The following SLC22A16 variants were observed in gnomAD, a reference collection of about 807,000 sequenced individuals.
SLC22A16 encodes WUGSC:RG331P03.1.
In SLC22A16, 53 loss-of-function variants were observed where a neutral mutation model predicts 52.9. The observed-to-expected ratio is 1.00, with a 90% CI of 0.80 to 1.26. SLC22A16 has a LOEUF of 1.26. Among genes scored for constraint, SLC22A16 ranks in the 50% most tolerant of loss-of-function variants. The pLI, the probability that SLC22A16 is intolerant of heterozygous loss-of-function variation, is 0.00. For missense variants in SLC22A16, 726 were observed against 704.0 expected (o/e 1.03, Z -0.35); for synonymous variants, 291 against 268.8 (o/e 1.08, Z -0.81).
chr6:110,476,026 T>A (rs1776457800), intron 1 of SLC22A16: 2 of 455,602 alleles, frequency 4.4e-6, no homozygotes, highest in Non-Finnish European at 8.8e-6. Flanking sequence ...TAGGTTTTAA[T>A]AAACGGCAAC....
chr6:110,463,364 C>A (rs9386902), intron 1 of SLC22A16, among the ~76,000 whole-genome samples: 2 of 151,662 alleles, frequency 1.3e-5, no homozygotes, highest in Non-Finnish European at 2.9e-5. Flanking sequence ...ACCCAACCAT[C>A]TGCTACCTAC....
chr6:110,457,079 A>G, intron 1 of SLC22A16, 62 bp from the exon 2 acceptor site: 1 of 1,456,156 alleles, frequency 6.9e-7, no homozygotes, highest in South Asian at 1.5e-5. Flanking sequence ...AACATAAGCA[A>G]ATTTGAAGGG....
At position 110,425,015 on chromosome 6, in the gene SLC22A16, C is replaced by G; in HGVS notation, c.1592G>C (p.Arg531Pro). 4 of 1,614,148 alleles carry G rather than the reference C, an allele frequency of 2.5e-6. No individual in the cohort carries two copies. Among genetic ancestry groups the G allele is most frequent in the Non-Finnish European group, 3.4e-6 (4 of 1,180,016 alleles). Residue 531 changes from arginine to proline, a missense_variant, in exon 8 of 8, where the codon CGG becomes CCG. Coordinates refer to ENST00000368919, the MANE Select transcript of SLC22A16 (RefSeq NM_033125.4). ...TLKLPETLGKRLATTWEEAAK... is the reference protein window; with the variant it reads ...TLKLPETLGKPLATTWEEAAK... ...AGCCTCCTCCCAAGTAGTTGCTAGCCGTTTCCCAAGGGTTTCTGGAAGCTT... is the reference window on the plus strand; with the variant it reads ...AGCCTCCTCCCAAGTAGTTGCTAGCGGTTTCCCAAGGGTTTCTGGAAGCTT...
intron 1 of SLC22A16, among the ~76,000 whole-genome samples, chr6:110,470,813 A>G (rs1396402368): frequency 6.6e-6 from 1 of 152,144 alleles, no homozygotes; most frequent in Non-Finnish European, 1.5e-5. Context: ...AGGCCCCTAC[A>G]AGCTTAAGAA....
At chr6:110,436,597 G>A (rs776645817) in intron 5 of SLC22A16, among the ~76,000 whole-genome samples, 1 of 152,108 alleles carries the variant, frequency 6.6e-6, no homozygotes, top group Non-Finnish European at 1.5e-5. Context: ...CTGCACTTCA[G>A]CTTGGGTGAC....
chr6:110,450,746 T>C (rs574366246), intron 2 of SLC22A16, among the ~76,000 whole-genome samples: 1 of 152,186 alleles, frequency 6.6e-6, no homozygotes, highest in Non-Finnish European at 1.5e-5. Context: ...ATTATAATAT[T>C]TTATACATAT....
At chr6:110,456,231 G>A (rs904640342) in intron 2 of SLC22A16, 1 of 309,880 alleles carries the variant, frequency 3.2e-6, no homozygotes, top group African/African-American at 2.2e-5. Context: ...ATAATCCTTT[G>A]AAGTAAGTGA....
rs1425991590 is a variant in SLC22A16 at position 110,476,588 on chromosome 6, A to G, written c.-14T>C. The G allele has an allele frequency of 6.6e-7, 1 of 1,522,132 alleles. No homozygotes were observed. Among genetic ancestry groups the G allele is most frequent in the Admixed American group, 2.0e-5 (1 of 49,052 alleles). 94.3% of individuals were successfully genotyped at this position (1,522,132 alleles called of 1,614,324 possible). ...GCGGGACCCCATGGTGCGGCCGTGC[A>G]CTGGGCGCCGAGTTAGCCGAGCTCC... On this transcript the variant is annotated 5_prime_UTR_variant, in exon 1 of 8. Coordinates refer to ENST00000368919, the MANE Select transcript of SLC22A16 (RefSeq NM_033125.4).
chr6:110,442,753 A>C lies in SLC22A16; in HGVS notation c.674T>G (p.Val225Gly), dbSNP rs576238657. The change falls in exon 4 of 8, where the codon GTG becomes GGG. Residue 225 changes from valine (V) to glycine (G), a missense_variant. Physicochemically the swap from Val to Gly is moderately radical, Grantham distance 109 (BLOSUM62 -3). Coordinates refer to ENST00000368919, the MANE Select transcript of SLC22A16 (RefSeq NM_033125.4). Reference sequence around the variant, plus strand: ...GAATTCCATCACATAGACAAACCCCACCACAAGATAGCCACTTGCAACCTG... The same window carrying C: ...GAATTCCATCACATAGACAAACCCCCCCACAAGATAGCCACTTGCAACCTG... ...LAMVASGYLVVGFVYVMEFIG... is the reference protein window; with the variant it reads ...LAMVASGYLVGGFVYVMEFIG... The C allele has an allele frequency of 2.4e-5, 39 of 1,612,872 alleles. No individual in the cohort carries two copies. The highest frequency in any genetic ancestry group is 3.3e-4 in the Middle Eastern group (2 of 6,076).
At chr6:110,451,657 A>G (rs1662807051) in intron 2 of SLC22A16, among the ~76,000 whole-genome samples, 1 of 152,156 alleles carries the variant, frequency 6.6e-6, no homozygotes. Flanking sequence ...ACTATTCTGG[A>G]CACTAATAAT....
At position 110,457,526 on chromosome 6, in the gene SLC22A16, A is replaced by T. The variant is rs1231135520; in HGVS notation, c.54-509T>A. On this transcript the variant is annotated intron_variant, in intron 1 of 7. Transcript: ENST00000368919. ...CGAGCTGTTCCATATAATAAAATAT[A>T]TAAAATAACAAGAGTTATGCTAGAT... Among the ~76,000 whole-genome samples the T allele has an allele frequency of 2.0e-5, 3 of 152,230 alleles. No homozygotes were observed. The East Asian group carries it at 5.8e-4, about 29-fold the overall frequency.
intron 2 of SLC22A16, among the ~76,000 whole-genome samples, chr6:110,452,325 T>G (rs909672488): frequency 1.3e-5 from 2 of 152,230 alleles, no homozygotes; most frequent in Admixed American, 1.3e-4. Context: ...AATTCATATG[T>G]AGGACTTTTT....
chr6:110,432,904 A>G (rs183921410), intron 6 of SLC22A16, among the ~76,000 whole-genome samples: 4 of 152,320 alleles, frequency 2.6e-5, no homozygotes, highest in Admixed American at 2.0e-4. Context: ...CGCTAATGTT[A>G]AGCACTGTCT....
At chr6:110,437,966 C>T (rs1442230528) in intron 5 of SLC22A16, among the ~76,000 whole-genome samples, 2 of 152,182 alleles carry the variant, frequency 1.3e-5, no homozygotes, top group East Asian at 3.8e-4. Flanking sequence ...TGAAACTCTA[C>T]CAGTCTTGAA....
At chr6:110,453,906 T>G (rs892921630) in intron 2 of SLC22A16, among the ~76,000 whole-genome samples, 2 of 152,130 alleles carry the variant, frequency 1.3e-5, no homozygotes, top group South Asian at 4.1e-4. Flanking sequence ...AGCAGACACA[T>G]GTAAAGAGAG....
intron 4 of SLC22A16, among the ~76,000 whole-genome samples, 166 bp from the exon 5 acceptor site, chr6:110,439,013 T>C (rs1181293845): frequency 6.6e-6 from 1 of 152,250 alleles, no homozygotes; most frequent in East Asian, 1.9e-4. Flanking sequence ...CCGCCACTTT[T>C]AAACTCACTA....
At chr6:110,447,406 C>A (rs1403976435) in intron 2 of SLC22A16, among the ~76,000 whole-genome samples, 3 of 152,310 alleles carry the variant, frequency 2.0e-5, no homozygotes, top group Non-Finnish European at 2.9e-5. Flanking sequence ...CTACCTTCTT[C>A]TTCTAGAATA....
At chr6:110,469,887 C>T (rs1473451082) in intron 1 of SLC22A16, among the ~76,000 whole-genome samples, 2 of 152,208 alleles carry the variant, frequency 1.3e-5, no homozygotes, top group African/African-American at 4.8e-5. Context: ...AAGATATCAA[C>T]TCTCCCAAAG....
chr6:110,475,943 C>T (rs763551154), intron 1 of SLC22A16: 7 of 456,482 alleles, frequency 1.5e-5, no homozygotes, highest in Non-Finnish European at 3.1e-5. Flanking sequence ...TGAACACCTC[C>T]TTTGCAGGGT....
Sources: allele counts gnomAD v4.1 joint callset (sites outside exome capture counted in the v4.1 genomes callset), GRCh38; gene constraint gnomAD v4.1.1; transcripts MANE v1.5; gene names NCBI Gene and HGNC (gene_info 2026-07-23, HGNC 2026-07-21).